CSNK1D: variants seen among roughly 807,000 people sequenced by gnomAD.
The protein encoded by CSNK1D is casein kinase 1 delta.
Under a neutral mutation model 46.6 loss-of-function variants are expected in CSNK1D, and 16 were observed. The observed-to-expected ratio is 0.34, with a 90% CI of 0.23 to 0.52. The LOEUF is 0.52. CSNK1D is among the 20% of genes least tolerant of loss of function. CSNK1D has a pLI of 0.95. For synonymous variants in CSNK1D, 276 were observed against 228.2 expected (o/e 1.21, Z -1.89); for missense variants, 398 against 578.4 (o/e 0.69, Z 3.20).
At chr17:82,258,624 C>A (rs2051246283) in intron 2 of CSNK1D, among the ~76,000 whole-genome samples, 1 of 152,162 alleles carries the variant, frequency 6.6e-6, no homozygotes, top group Non-Finnish European at 1.5e-5. Flanking sequence ...TCTTAATACT[C>A]ATTTTGGAGT....
At chr17:82,253,460 CT>C in intron 3 of CSNK1D, 1 of 565,902 alleles carries the variant, frequency 1.8e-6, no homozygotes, top group Middle Eastern at 4.5e-4. Flanking sequence ...GGCCTAGGCG[CT>C]TTGCCTTCAG....
chr17:82,256,760 T>C (rs1282212974), intron 2 of CSNK1D, among the ~76,000 whole-genome samples: 2 of 152,220 alleles, frequency 1.3e-5, no homozygotes, highest in East Asian at 1.9e-4. Flanking sequence ...TATTTTTTTT[T>C]CTCATATCCA....
At chr17:82,271,523 A>G (rs929787930) in intron 1 of CSNK1D, among the ~76,000 whole-genome samples, 3 of 152,238 alleles carry the variant, frequency 2.0e-5, no homozygotes, top group African/African-American at 7.2e-5. Flanking sequence ...CTTCCCAAAC[A>G]CTGCCAAGAA....
chr17:82,242,534 C>T, downstream of CSNK1D: 1 of 709,410 alleles, frequency 1.4e-6, no homozygotes, highest in Non-Finnish European at 1.7e-6. Context: ...TCCTGCTCTG[C>T]CAGCTCCCAG....
chr17:82,239,122 T>C, downstream of CSNK1D: 1 of 756,912 alleles, frequency 1.3e-6, no homozygotes, highest in Non-Finnish European at 2.0e-6. Flanking sequence ...ATCAGTGTTT[T>C]GAGGGGGAAG....
chr17:82,256,399 G>C (rs546381307), intron 2 of CSNK1D, among the ~76,000 whole-genome samples: 2 of 151,932 alleles, frequency 1.3e-5, no homozygotes, highest in Non-Finnish European at 2.9e-5. Context: ...TGTGGTCCCA[G>C]CTACTTGGGA....
chr17:82,251,714 G>A lies in CSNK1D; in HGVS notation c.737-187C>T. 1.4e-6 allele frequency: 1 copy of A among 703,994 alleles called. No individual in the cohort carries two copies. The highest frequency in any genetic ancestry group is 1.6e-5 in the South Asian group (1 of 64,342). 43.6% of individuals were successfully genotyped at this position (703,994 alleles called of 1,614,324 possible). ...TCGAAAAGTATTCAAGTCACGGCCG[G>A]GTGCGGCGGCTCACGCCTGTCACCC... is the stretch of plus-strand genomic sequence containing the variant. On this transcript the variant is annotated intron_variant, in intron 5 of 8. Coordinates refer to ENST00000314028, the MANE Select transcript of CSNK1D (RefSeq NM_001893.6). This position sits in a 1 kb window ranked among gnomAD's most constrained non-coding sequence, Gnocchi z 4.5.
In CSNK1D at chr17:82,248,851, C is replaced by A. The variant is rs769026542; in HGVS notation, c.1197+24G>T. ...GGACGGGGTAGCCCGAGGCCCAGCGCCCGCCCGGGAGCTCTGCACCTACCT... is the reference window on the plus strand; with the variant it reads ...GGACGGGGTAGCCCGAGGCCCAGCGACCGCCCGGGAGCTCTGCACCTACCT... On this transcript the variant is annotated intron_variant, in intron 8 of 8. Coordinates refer to ENST00000314028, the MANE Select transcript of CSNK1D (RefSeq NM_001893.6). This position sits in a 1 kb window ranked among gnomAD's most constrained non-coding sequence, Gnocchi z 4.1. 2 of 1,603,506 alleles carry A rather than the reference C, an allele frequency of 1.2e-6. No homozygotes were observed. Among genetic ancestry groups the A allele is most frequent in the East Asian group, 4.5e-5 (2 of 44,512 alleles).
chr17:82,257,642 C>G (rs775613477), intron 2 of CSNK1D, among the ~76,000 whole-genome samples: 2 of 152,214 alleles, frequency 1.3e-5, no homozygotes, highest in East Asian at 3.8e-4. Context: ...GGGAAGGAGC[C>G]GTGAGAGGGC....
intron 8 of CSNK1D, chr17:82,246,932 G>A (rs2050865716): frequency 1.0e-6 from 1 of 985,524 alleles, no homozygotes; most frequent in East Asian, 1.1e-4. Context: ...ATTCCCCCTT[G>A]GGATTCAAAA....
chr17:82,243,416 T>C lies in CSNK1D; in HGVS notation c.*1365A>G, dbSNP rs866805178. 5.4e-5 allele frequency: 53 copies of C among 985,170 alleles called. No homozygotes were observed. The Middle Eastern group carries it at 2.6e-3, about 49-fold the overall frequency. 61.0% of individuals were successfully genotyped at this position (985,170 alleles called of 1,614,324 possible). On this transcript the variant is annotated 3_prime_UTR_variant, in exon 9 of 9. Coordinates refer to ENST00000314028, the MANE Select transcript of CSNK1D (RefSeq NM_001893.6). ...TGGCTACCGCCCAAGTGCTGCGGAG[T>C]GAGAGGCGAGAAGGCATCCTGGGAA...
intron 8 of CSNK1D, chr17:82,246,029 G>A (rs2050842074): frequency 6.2e-7 from 1 of 1,610,130 alleles, no homozygotes; most frequent in Non-Finnish European, 8.5e-7. Flanking sequence ...GTGTTCGAAA[G>A]GAATGCTATT....
Position 82,243,584 on chromosome 17 carries a change from A to G in CSNK1D, c.*1197T>C, listed in dbSNP as rs1015929037. 8.1e-6 allele frequency: 8 copies of G among 985,286 alleles called. No homozygotes were observed. The highest frequency in any genetic ancestry group is 9.6e-6 in the Non-Finnish European group (8 of 829,942). The allele number at this position is 985,286 out of a possible 1,614,324, so 61.0% of individuals were successfully genotyped here. A position where few individuals can be genotyped will look rare whatever the true frequency, so the allele number is the denominator to read the frequency against. ...AACAGAAGGTCACAGCGCAGACTCT[A>G]CTTTCTGGCCGTGAAGGTTCTGGGT... is the stretch of plus-strand genomic sequence containing the variant. On this transcript the variant is annotated 3_prime_UTR_variant, in exon 9 of 9. Transcript: ENST00000314028.
chr17:82,239,990 G>A (rs769573174), downstream of CSNK1D: 34 of 1,233,576 alleles, frequency 2.8e-5, 1 homozygote, highest in Middle Eastern at 4.1e-4. Context: ...TAGGTGCGTC[G>A]TGGGCGCTGG....
At chr17:82,240,577 G>A (rs1555789222), downstream of CSNK1D, among the ~76,000 whole-genome samples, 1 of 152,140 alleles carries the variant, frequency 6.6e-6, no homozygotes, top group Non-Finnish European at 1.5e-5. Context: ...GGTATCTCGG[G>A]CCCTCACCCT....
Position 82,251,064 on chromosome 17 carries a change from C to T in CSNK1D, c.885+315G>A. On this transcript the variant is annotated intron_variant, in intron 6 of 8. Coordinates refer to ENST00000314028, the MANE Select transcript of CSNK1D (RefSeq NM_001893.6). This position sits in a 1 kb window ranked among gnomAD's most constrained non-coding sequence, Gnocchi z 4.5. ...CGAATGGGAATGCGCACCCCCAGCC[C>T]CCACCCTCTGCCCCCAGGGCATGCT... The T allele has an allele frequency of 2.5e-6, 1 of 407,590 alleles. No homozygotes were observed. The highest frequency in any genetic ancestry group is 5.5e-5 in the East Asian group (1 of 18,224). The allele number at this position is 407,590 out of a possible 1,614,324, so 25.2% of individuals were successfully genotyped here.
In CSNK1D at chr17:82,243,040, T is replaced by G; in HGVS notation, c.*1741A>C. ...GGGGTCCAGCAACAAAGAAAATCTC[T>G]TAACTCGGCTCTGACCCACCCCAAC... On this transcript the variant is annotated 3_prime_UTR_variant, in exon 9 of 9. Transcript: ENST00000314028. The G allele has an allele frequency of 3.0e-6, 3 of 985,356 alleles. No homozygotes were observed. Among genetic ancestry groups the G allele is most frequent in the Non-Finnish European group, 3.6e-6 (3 of 829,872 alleles). 61.0% of individuals were successfully genotyped at this position (985,356 alleles called of 1,614,324 possible).
chr17:82,239,922 G>A (rs538310081), downstream of CSNK1D: 26 of 1,087,554 alleles, frequency 2.4e-5, 1 homozygote, highest in Middle Eastern at 4.6e-4. Flanking sequence ...ACCTGCCCTC[G>A]TGGCCAGCAG....
At chr17:82,244,926 C>T (rs2050811427) in intron 8 of CSNK1D, 95 bp from the exon 9 acceptor site, 9 of 1,517,056 alleles carry the variant, frequency 5.9e-6, no homozygotes, top group Middle Eastern at 1.8e-4. Context: ...GGAGGGGACG[C>T]ACCGCCACCG....
Sources: allele counts gnomAD v4.1 joint callset (sites outside exome capture counted in the v4.1 genomes callset), GRCh38; gene constraint gnomAD v4.1.1; non-coding constraint Gnocchi (gnomAD v3.1); transcripts MANE v1.5; gene names NCBI Gene and HGNC (gene_info 2026-07-23, HGNC 2026-07-21).